Variants in FOXO1 observed in about 807,000 individuals in gnomAD.
FOXO1 encodes the protein forkhead box O1, also known as forkhead box protein O1.
FOXO1 carries 6 observed loss-of-function variants against 44.1 expected under a neutral mutation model. That is an observed-to-expected ratio of 0.14 (90% CI 0.07 to 0.27). FOXO1 has a LOEUF of 0.27. Among genes scored for constraint, FOXO1 ranks in the 10% least tolerant of loss-of-function variants. FOXO1 has a pLI of 1.00. For synonymous variants in FOXO1, 380 were observed against 362.7 expected (o/e 1.05, Z -0.54); for missense variants, 737 against 888.8 (o/e 0.83, Z 2.17).
At chr13:40,602,031 T>G (rs762622352) in intron 1 of FOXO1, among the ~76,000 whole-genome samples, 1 of 152,152 alleles carries the variant, frequency 6.6e-6, no homozygotes, top group Non-Finnish European at 1.5e-5. Flanking sequence ...CATAGAAAGA[T>G]TCATGTAAAC....
At position 40,666,063 on chromosome 13, in the gene FOXO1, G is replaced by C. The variant is rs1421546347; in HGVS notation, c.150C>G (p.Ala50=). 2 of 1,320,070 alleles carry C rather than the reference G, an allele frequency of 1.5e-6. No homozygotes were observed. The highest frequency in any genetic ancestry group is 1.5e-5 in the African/African-American group (1 of 65,082). The allele number at this position is 1,320,070 out of a possible 1,614,324, so 81.8% of individuals were successfully genotyped here. ...SSPAPSGSAA[A]NPDAAAGLPS... ...GCAGGCCCGCCGCGGCGTCGGGGTT[G>C]GCAGCCGCGCTGCCCGACGGCGCCG... is the stretch of plus-strand genomic sequence containing the variant. Residue 50 remains alanine (A), a synonymous_variant, in exon 1 of 3, where the codon GCC becomes GCG. Transcript: ENST00000379561.
At chr13:40,634,844 A>C (rs1877093289) in intron 1 of FOXO1, among the ~76,000 whole-genome samples, 1 of 151,902 alleles carries the variant, frequency 6.6e-6, no homozygotes, top group South Asian at 2.1e-4. Context: ...CGCCCAGCTA[A>C]TTTTTGTATT....
intron 1 of FOXO1, among the ~76,000 whole-genome samples, chr13:40,569,209 G>A (rs1186233712): frequency 6.6e-6 from 1 of 152,218 alleles, no homozygotes; most frequent in African/African-American, 2.4e-5. Context: ...ACTCATAGGT[G>A]TCAGGAGAAG....
chr13:40,631,510 T>G (rs887377897), intron 1 of FOXO1, among the ~76,000 whole-genome samples: 1 of 152,242 alleles, frequency 6.6e-6, no homozygotes, highest in African/African-American at 2.4e-5. Flanking sequence ...CACCACCGTT[T>G]GTACATCCAT....
intron 1 of FOXO1, among the ~76,000 whole-genome samples, chr13:40,660,764 T>C (rs903464292): frequency 6.6e-6 from 1 of 152,186 alleles, no homozygotes; most frequent in South Asian, 2.1e-4. Context: ...TTATTTTCAA[T>C]AGTCAAGTGT....
intron 1 of FOXO1, among the ~76,000 whole-genome samples, chr13:40,565,300 G>A (rs1874223863): frequency 6.6e-6 from 1 of 151,942 alleles, no homozygotes; most frequent in Non-Finnish European, 1.5e-5. Context: ...GATCTACCTG[G>A]GGAGAAAATA....
intron 1 of FOXO1, among the ~76,000 whole-genome samples, chr13:40,649,117 G>A (rs1216306340): frequency 1.3e-5 from 2 of 152,172 alleles, no homozygotes; most frequent in Non-Finnish European, 2.9e-5. Flanking sequence ...GTCATTTTAA[G>A]TGAGTCTCAG....
chr13:40,636,216 AAAAAAAC>A (rs775599484), intron 1 of FOXO1, among the ~76,000 whole-genome samples: 9 of 152,090 alleles, frequency 5.9e-5, no homozygotes, highest in East Asian at 1.9e-4. Context: ...TTCCATCAAA[AAAAAAAC>A]AAAAAACAAA....
chr13:40,565,727 T>C (rs1180893053), intron 1 of FOXO1, among the ~76,000 whole-genome samples: 2 of 152,212 alleles, frequency 1.3e-5, no homozygotes, highest in African/African-American at 2.4e-5. Flanking sequence ...AATGAGATAG[T>C]ATGCGTGGAA....
At chr13:40,572,339 G>GT (rs1016450479) in intron 1 of FOXO1, among the ~76,000 whole-genome samples, 4 of 151,710 alleles carry the variant, frequency 2.6e-5, no homozygotes, top group African/African-American at 7.3e-5. Flanking sequence ...AGATTTATGT[G>GT]TTTTTTCGCA....
intron 1 of FOXO1, among the ~76,000 whole-genome samples, chr13:40,656,185 A>C (rs1226669410): frequency 6.6e-6 from 1 of 152,180 alleles, no homozygotes; most frequent in Admixed American, 6.5e-5. Flanking sequence ...ATCCCATTAT[A>C]ATCTTCATTC....
intron 1 of FOXO1, among the ~76,000 whole-genome samples, chr13:40,645,301 A>C (rs1369626005): frequency 1.3e-5 from 2 of 152,178 alleles, no homozygotes; most frequent in African/African-American, 4.8e-5. Flanking sequence ...GAACACTATG[A>C]AGGTAGTAAA....
intron 1 of FOXO1, among the ~76,000 whole-genome samples, chr13:40,644,085 C>A (rs1170137037): frequency 1.3e-5 from 2 of 152,144 alleles, no homozygotes; most frequent in African/African-American, 4.8e-5. Flanking sequence ...TCTGACGTGA[C>A]CCCAACGTGA....
chr13:40,646,225 T>C (rs1354834289), intron 1 of FOXO1, among the ~76,000 whole-genome samples: 2 of 152,058 alleles, frequency 1.3e-5, no homozygotes, highest in African/African-American at 2.4e-5. Context: ...AGCCTATTAA[T>C]TGATTATTTG....
chr13:40,622,884 T>C (rs1876662134), intron 1 of FOXO1, among the ~76,000 whole-genome samples: 1 of 152,192 alleles, frequency 6.6e-6, no homozygotes, highest in South Asian at 2.1e-4. Flanking sequence ...TCCTGCTCTG[T>C]AAGTAAGAAA....
At chr13:40,576,868 A>C (rs1874766467) in intron 1 of FOXO1, among the ~76,000 whole-genome samples, 1 of 152,258 alleles carries the variant, frequency 6.6e-6, no homozygotes, top group Admixed American at 6.5e-5. Flanking sequence ...AAGATTTGGC[A>C]TAAAAATTTG....
At chr13:40,660,073 G>A (rs1246511719) in intron 1 of FOXO1, among the ~76,000 whole-genome samples, 1 of 152,262 alleles carries the variant, frequency 6.6e-6, no homozygotes, top group East Asian at 1.9e-4. Flanking sequence ...TCAAGTACAT[G>A]TGGTCTTCTG....
At chr13:40,582,182 C>A (rs1387480692) in intron 1 of FOXO1, among the ~76,000 whole-genome samples, 1 of 152,064 alleles carries the variant, frequency 6.6e-6, no homozygotes, top group Non-Finnish European at 1.5e-5. Context: ...AAAAGGTATG[C>A]ATTATATTGT....
At chr13:40,589,065 G>A (rs1449140609) in intron 1 of FOXO1, among the ~76,000 whole-genome samples, 2 of 152,012 alleles carry the variant, frequency 1.3e-5, no homozygotes, top group Non-Finnish European at 2.9e-5. Flanking sequence ...GAGATCGAAC[G>A]ACTGCATTCC....
Sources: gnomAD v4.1 joint callset for allele counts (sites outside exome capture counted in the v4.1 genomes callset) on GRCh38, gnomAD v4.1.1 for gene constraint, MANE v1.5 for transcripts, NCBI Gene and HGNC (gene_info 2026-07-23, HGNC 2026-07-21) for gene names.